The following BLMH variants were observed in gnomAD, a reference collection of about 807,000 sequenced individuals.
BLMH encodes the protein BLM hydrolase.
Under a neutral mutation model 61.6 loss-of-function variants are expected in BLMH, and 32 were observed. The observed-to-expected ratio is 0.52, with a 90% confidence interval of 0.39 to 0.70. BLMH has a LOEUF of 0.70. BLMH is among the 30% of genes least tolerant of loss of function. BLMH has a pLI of 0.00. For synonymous variants in BLMH, 183 were observed against 193.8 expected (o/e 0.94, Z 0.46); for missense variants, 460 against 555.5 (o/e 0.83, Z 1.73).
chr17:30,255,717 T>C (rs1057043536), intron 11 of BLMH, among the ~76,000 whole-genome samples: 1 of 152,068 alleles, frequency 6.6e-6, no homozygotes, highest in African/African-American at 2.4e-5. Flanking sequence ...GCCAGCATGG[T>C]AAAACCCATC....
chr17:30,272,506 A>G (rs1465260907), intron 9 of BLMH, 55 bp downstream of exon 9: 10 of 1,592,960 alleles, frequency 6.3e-6, no homozygotes, highest in African/African-American at 4.0e-5. Flanking sequence ...CCAACAGCAC[A>G]CTCCAACAGC....
intron 11 of BLMH, among the ~76,000 whole-genome samples, chr17:30,253,423 C>T (rs1261003441): frequency 2.6e-5 from 4 of 152,186 alleles, no homozygotes; most frequent in Non-Finnish European, 5.9e-5. Context: ...TGGGGACCCA[C>T]AAAAACCTCA....
chr17:30,280,003 T>C (rs909868963), intron 6 of BLMH, among the ~76,000 whole-genome samples: 12 of 151,852 alleles, frequency 7.9e-5, no homozygotes, highest in African/African-American at 2.9e-4. Context: ...ATGACAGACA[T>C]CAAGTGAGAG....
chr17:30,284,859 G>A (rs1233019195), intron 6 of BLMH, among the ~76,000 whole-genome samples: 1 of 152,130 alleles, frequency 6.6e-6, no homozygotes, highest in East Asian at 1.9e-4. Flanking sequence ...CTTTGTTTAT[G>A]GCACTGTTCA....
chr17:30,253,980 A>G (rs1907744667), intron 11 of BLMH, among the ~76,000 whole-genome samples: 1 of 152,234 alleles, frequency 6.6e-6, no homozygotes, highest in Non-Finnish European at 1.5e-5. Context: ...TAGACAGGTT[A>G]GGTGAAATTC....
intron 10 of BLMH, among the ~76,000 whole-genome samples, chr17:30,269,046 A>C (rs960345119): frequency 1.3e-5 from 2 of 151,642 alleles, no homozygotes; most frequent in African/African-American, 4.8e-5. Context: ...TCTCAAAAAA[A>C]ACAAAAAAAC....
At chr17:30,278,407 G>A (rs1290008364) in intron 6 of BLMH, among the ~76,000 whole-genome samples, 1 of 152,120 alleles carries the variant, frequency 6.6e-6, no homozygotes, top group African/African-American at 2.4e-5. Flanking sequence ...CCAACAATTA[G>A]CCCATTTAGG....
chr17:30,276,080 T>G (rs1389356194), intron 6 of BLMH, among the ~76,000 whole-genome samples: 1 of 152,088 alleles, frequency 6.6e-6, no homozygotes, highest in Admixed American at 6.6e-5. Context: ...GTAATTTACT[T>G]AAGGTCACAC....
intron 9 of BLMH, 129 bp downstream of exon 9, chr17:30,272,432 A>G (rs151060266): frequency 5.2e-5 from 52 of 996,630 alleles, no homozygotes; most frequent in Admixed American, 2.3e-4. Context: ...AAGGATGCAA[A>G]GAAAGAGACG....
intron 6 of BLMH, among the ~76,000 whole-genome samples, chr17:30,283,883 C>CA (rs1226922057): frequency 6.6e-6 from 1 of 152,174 alleles, no homozygotes; most frequent in East Asian, 1.9e-4. Context: ...CTCTGCAAGA[C>CA]AGTCATTCCA....
intron 11 of BLMH, among the ~76,000 whole-genome samples, chr17:30,264,966 G>A (rs978685079): frequency 6.6e-6 from 1 of 152,156 alleles, no homozygotes; most frequent in Non-Finnish European, 1.5e-5. Flanking sequence ...ACCCTAATGT[G>A]TATTTGTCTT....
intron 6 of BLMH, 58 bp from the exon 7 acceptor site, chr17:30,274,255 A>C: frequency 6.4e-7 from 1 of 1,552,104 alleles, no homozygotes; most frequent in Non-Finnish European, 8.7e-7. Flanking sequence ...TATTTTTTTC[A>C]CCTCTTCATT....
At chr17:30,289,043 GT>G (rs1908810399) in intron 3 of BLMH, among the ~76,000 whole-genome samples, 1 of 152,008 alleles carries the variant, frequency 6.6e-6, no homozygotes, top group African/African-American at 2.4e-5. Context: ...GGGAAATTAG[GT>G]CCTAGAAAAG....
At chr17:30,281,019 C>G (rs1353071562) in intron 6 of BLMH, among the ~76,000 whole-genome samples, 1 of 150,134 alleles carries the variant, frequency 6.7e-6, no homozygotes. Flanking sequence ...GGGAAGACAG[C>G]TGTCTACTAC....
intron 10 of BLMH, among the ~76,000 whole-genome samples, chr17:30,270,306 C>A (rs1222209972): frequency 6.6e-6 from 1 of 152,058 alleles, no homozygotes; most frequent in Non-Finnish European, 1.5e-5. Flanking sequence ...TCGAGACCAG[C>A]CTGGCCAACA....
At position 30,266,873 on chromosome 17, in the gene BLMH, A is replaced by G. The variant is rs957582305; in HGVS notation, c.1216+12T>C. Reference sequence around the variant, plus strand: ...CAGTCACCTGGAGTTAGTATTACCAAACTGAGCTCACCTTTGTGGCCATGG... The same window carrying G: ...CAGTCACCTGGAGTTAGTATTACCAGACTGAGCTCACCTTTGTGGCCATGG... On this transcript the variant is annotated intron_variant, in intron 11 of 11. Coordinates refer to ENST00000261714, the MANE Select transcript of BLMH (RefSeq NM_000386.4). 3 of 1,613,424 alleles carry G rather than the reference A, an allele frequency of 1.9e-6. No individual in the cohort carries two copies. The highest frequency in any genetic ancestry group is 2.7e-5 in the African/African-American group (2 of 74,910).
intron 6 of BLMH, among the ~76,000 whole-genome samples, chr17:30,275,879 T>C (rs1310941668): frequency 6.6e-6 from 1 of 152,224 alleles, no homozygotes; most frequent in Non-Finnish European, 1.5e-5. Flanking sequence ...TTATTTATAC[T>C]ACACATTTCT....
At position 30,280,581 on chromosome 17, in the gene BLMH, ATCT is replaced by A. The variant is rs570127657; in HGVS notation, c.645+4804_645+4806del. On this transcript the variant is annotated intron_variant, in intron 6 of 11. Coordinates refer to ENST00000261714, the MANE Select transcript of BLMH (RefSeq NM_000386.4). ...AGCCTTGAACTCCTGGGCTCAAGTG[ATCT>A]TCTTGCCTCAGCCTACCATGTAGCT... Among the ~76,000 whole-genome samples, 150 of 152,210 alleles carry A rather than the reference ATCT, an allele frequency of 9.9e-4. 2 individuals carry two copies. The highest frequency in any genetic ancestry group is 3.4e-3 in the Middle Eastern group (1 of 294).
intron 11 of BLMH, among the ~76,000 whole-genome samples, chr17:30,260,818 G>A (rs927762054): frequency 3.3e-5 from 5 of 152,144 alleles, no homozygotes; most frequent in Non-Finnish European, 5.9e-5. Flanking sequence ...GGGAGGCAGA[G>A]GTTGCAGTGA....
Sources: allele counts gnomAD v4.1 joint callset (sites outside exome capture counted in the v4.1 genomes callset), GRCh38; gene constraint gnomAD v4.1.1; transcripts MANE v1.5; gene names NCBI Gene and HGNC (gene_info 2026-07-23, HGNC 2026-07-21).